Variants in LDLRAD3 observed in about 807,000 individuals in gnomAD.
LDLRAD3 encodes the protein low density lipoprotein receptor class A domain containing 3.
In LDLRAD3, 20 loss-of-function variants were observed where a neutral mutation model predicts 29.4. The observed-to-expected ratio is 0.68, with a 90% CI of 0.48 to 0.99. The LOEUF is 0.99. Among genes scored for constraint, LDLRAD3 ranks in the 50% least tolerant of loss-of-function variants. LDLRAD3 has a pLI of 0.00. For synonymous variants in LDLRAD3, 157 were observed against 192.7 expected (o/e 0.81, Z 1.53); for missense variants, 420 against 454.3 (o/e 0.92, Z 0.69).
At chr11:35,970,663 TA>T (rs1851400516) in intron 1 of LDLRAD3, among the ~76,000 whole-genome samples, 1 of 152,204 alleles carries the variant, frequency 6.6e-6, no homozygotes, top group South Asian at 2.1e-4. Context: ...TGAGAGGTGT[TA>T]AGCATCTTGC....
At chr11:36,174,317 GT>G (rs1248825275) in intron 4 of LDLRAD3, among the ~76,000 whole-genome samples, 2 of 152,202 alleles carry the variant, frequency 1.3e-5, no homozygotes, top group African/African-American at 4.8e-5. Context: ...AGGACTTTAT[GT>G]CTAAAACACC....
chr11:36,181,876 C>T (rs1277432266), intron 4 of LDLRAD3, among the ~76,000 whole-genome samples: 1 of 151,916 alleles, frequency 6.6e-6, no homozygotes, highest in East Asian at 1.9e-4. Context: ...CAACCGTCTC[C>T]TCTCTCTCTC....
rs541159057 is a variant in LDLRAD3, at chr11:36,043,939, C to T, written c.193+7690C>T. 2.6e-5 allele frequency among the ~76,000 whole-genome samples: 4 copies of T among 152,266 alleles called. No individual in the cohort carries two copies. In the East Asian group the frequency reaches 5.8e-4, roughly 22 times the overall value. ...CAGCGCTTACGGTGTGCGGGAAATC[C>T]AAGACCTATGTATATTAGCGTTGCT... On this transcript the variant is annotated intron_variant, in intron 2 of 5. Coordinates refer to ENST00000315571, the MANE Select transcript of LDLRAD3 (RefSeq NM_174902.4).
intron 1 of LDLRAD3, among the ~76,000 whole-genome samples, chr11:35,990,839 A>G (rs149144701): frequency 8.5e-5 from 13 of 152,320 alleles, no homozygotes; most frequent in African/African-American, 3.1e-4. Context: ...TAAACTTTAT[A>G]TATGCAAAGA....
intron 1 of LDLRAD3, among the ~76,000 whole-genome samples, chr11:36,008,719 A>G (rs1851917637): frequency 1.3e-5 from 2 of 152,168 alleles, no homozygotes; most frequent in Admixed American, 1.3e-4. Flanking sequence ...TATTCAAGAG[A>G]ACTGAGGTCT....
intron 1 of LDLRAD3, among the ~76,000 whole-genome samples, chr11:36,023,488 A>G (rs1852124629): frequency 6.6e-6 from 1 of 152,114 alleles, no homozygotes; most frequent in Non-Finnish European, 1.5e-5. Flanking sequence ...CCTTTTGATG[A>G]GCTGGTTGCT....
At chr11:36,024,038 T>C (rs1421475773) in intron 1 of LDLRAD3, among the ~76,000 whole-genome samples, 1 of 152,134 alleles carries the variant, frequency 6.6e-6, no homozygotes, top group Non-Finnish European at 1.5e-5. Context: ...CCCCACAATC[T>C]GCTTTTCTGG....
At chr11:36,177,880 A>C (rs1427474470) in intron 4 of LDLRAD3, among the ~76,000 whole-genome samples, 1 of 152,192 alleles carries the variant, frequency 6.6e-6, no homozygotes, top group Non-Finnish European at 1.5e-5. Context: ...GGTCGCCTGG[A>C]TAAGTATTTG....
At chr11:36,222,366 T>C (rs1175649899) in intron 4 of LDLRAD3, among the ~76,000 whole-genome samples, 1 of 152,180 alleles carries the variant, frequency 6.6e-6, no homozygotes, top group East Asian at 1.9e-4. Context: ...TTTACAGATA[T>C]GAGTCACCAT....
intron 1 of LDLRAD3, among the ~76,000 whole-genome samples, chr11:35,970,160 G>A (rs919569434): frequency 6.6e-5 from 10 of 152,206 alleles, no homozygotes; most frequent in Non-Finnish European, 4.4e-5. Context: ...AGGTGTCACA[G>A]GTTAAATTGT....
chr11:36,125,471 C>A (rs78352895), intron 4 of LDLRAD3, among the ~76,000 whole-genome samples: 3,400 of 152,286 alleles, frequency 0.022, 122 homozygotes, highest in African/African-American at 0.078. Context: ...GTACATGTTT[C>A]ACTGCTGTTA....
At chr11:36,144,458 G>A (rs1395380191) in intron 4 of LDLRAD3, among the ~76,000 whole-genome samples, 3 of 149,136 alleles carry the variant, frequency 2.0e-5, no homozygotes, top group Non-Finnish European at 4.5e-5. Context: ...GTCTCTGCCC[G>A]GCCGCCATCC....
intron 2 of LDLRAD3, among the ~76,000 whole-genome samples, chr11:36,037,318 CT>C (rs559222218): frequency 2.1e-4 from 32 of 150,338 alleles, no homozygotes; most frequent in South Asian, 1.7e-3. Flanking sequence ...ATCATTTGAA[CT>C]TTTTTTTTTC....
intron 4 of LDLRAD3, among the ~76,000 whole-genome samples, chr11:36,100,296 T>C (rs1031110719): frequency 1.2e-4 from 19 of 152,232 alleles, no homozygotes; most frequent in Non-Finnish European, 7.3e-5. Context: ...TGCTGGCCTT[T>C]ACACAAGATC....
chr11:36,180,312 C>A (rs1489610219), intron 4 of LDLRAD3, among the ~76,000 whole-genome samples: 1 of 115,880 alleles, frequency 8.6e-6, no homozygotes, highest in African/African-American at 2.8e-5. Flanking sequence ...TTTCTTAGAA[C>A]ACCTTTCTGT....
At chr11:35,967,321 C>G (rs1851354554) in intron 1 of LDLRAD3, 1 of 214,992 alleles carries the variant, frequency 4.7e-6, no homozygotes. Flanking sequence ...TGTGCTTGAG[C>G]AGACTGTAAA....
intron 1 of LDLRAD3, among the ~76,000 whole-genome samples, chr11:35,957,657 G>A (rs1300393863): frequency 1.3e-5 from 2 of 151,608 alleles, no homozygotes; most frequent in East Asian, 3.9e-4. Context: ...AAAATTAGCC[G>A]GGCACAGTGG....
Position 35,980,869 on chromosome 11 carries a change from T to G in LDLRAD3, c.46+36725T>G, listed in dbSNP as rs563652025. ...TTTGATATGTCAATTGCCCAGTGTT[T>G]AGGAAAAAGGATAATTTTGGTTACT... On this transcript the variant is annotated intron_variant, in intron 1 of 5. Coordinates refer to ENST00000315571, the MANE Select transcript of LDLRAD3 (RefSeq NM_174902.4). Among the ~76,000 whole-genome samples, 33 of 152,288 alleles carry G rather than the reference T, an allele frequency of 2.2e-4. No individual in the cohort carries two copies. The East Asian group carries it at 6.4e-3, about 29-fold the overall frequency.
At chr11:36,127,872 G>T (rs1324139521) in intron 4 of LDLRAD3, among the ~76,000 whole-genome samples, 1 of 151,826 alleles carries the variant, frequency 6.6e-6, no homozygotes, top group African/African-American at 2.4e-5. Context: ...TTGTTCTTCT[G>T]CAGGTACCCA....
Sources: gnomAD v4.1 joint callset for allele counts (sites outside exome capture counted in the v4.1 genomes callset) on GRCh38, gnomAD v4.1.1 for gene constraint, MANE v1.5 for transcripts, NCBI Gene and HGNC (gene_info 2026-07-23, HGNC 2026-07-21) for gene names.